RTTN: variants seen among roughly 807,000 people sequenced by gnomAD.
RTTN encodes rotatin.
In RTTN, 182 loss-of-function variants were observed where a neutral mutation model predicts 269.2. That is an observed-to-expected ratio of 0.68 (90% confidence interval 0.60 to 0.76). The LOEUF is 0.76. RTTN is among the 30% of genes least tolerant of loss of function. RTTN has a pLI of 0.00. For synonymous variants in RTTN, 1,006 were observed against 963.5 expected (o/e 1.04, Z -0.82); for missense variants, 2,545 against 2,608.6 (o/e 0.98, Z 0.53).
At chr18:70,176,545 G>T in intron 11 of RTTN, 130 bp downstream of exon 11, 1 of 699,132 alleles carries the variant, frequency 1.4e-6, no homozygotes, top group Non-Finnish European at 2.1e-6. Flanking sequence ...CATATAACCT[G>T]TTACACTTAT....
intron 40 of RTTN, among the ~76,000 whole-genome samples, chr18:70,033,301 T>A (rs1045403965): frequency 6.6e-6 from 1 of 152,234 alleles, no homozygotes; most frequent in Non-Finnish European, 1.5e-5. Context: ...TAAACCTCTT[T>A]TCTTTATAAA....
At chr18:70,166,276 C>CAGTA in intron 13 of RTTN, 88 bp from the exon 14 acceptor site, 3 of 1,268,094 alleles carry the variant, frequency 2.4e-6, no homozygotes, top group Non-Finnish European at 3.4e-6. Context: ...GGATTTCTTC[C>CAGTA]TACTCCAACT....
At chr18:70,010,796 G>A (rs570694038) in intron 46 of RTTN, among the ~76,000 whole-genome samples, 6 of 152,234 alleles carry the variant, frequency 3.9e-5, no homozygotes, top group South Asian at 4.2e-4. Context: ...AATGAATCCC[G>A]GAGCTGGTTT....
intron 23 of RTTN, 119 bp from the exon 24 acceptor site, chr18:70,128,665 C>T: frequency 1.4e-6 from 1 of 693,422 alleles, no homozygotes; most frequent in South Asian, 2.0e-5. Context: ...GCAAAGGTTT[C>T]TCTTAGTCCC....
chr18:70,048,728 GAGAATT>G (rs2057565028), intron 39 of RTTN, among the ~76,000 whole-genome samples: 1 of 152,052 alleles, frequency 6.6e-6, no homozygotes, highest in African/African-American at 2.4e-5. Context: ...AGGGTTTCAT[GAGAATT>G]ATGTTCATTT....
intron 37 of RTTN, among the ~76,000 whole-genome samples, chr18:70,057,016 G>A (rs1885846394): frequency 6.6e-6 from 1 of 152,220 alleles, no homozygotes; most frequent in African/African-American, 2.4e-5. Context: ...GGCATGCTCA[G>A]GTGAAAACAC....
At chr18:70,166,227 G>C (rs759066468) in intron 13 of RTTN, 39 bp from the exon 14 acceptor site, 4 of 1,605,932 alleles carry the variant, frequency 2.5e-6, no homozygotes, top group Non-Finnish European at 3.4e-6. Context: ...TGTGAGGCAA[G>C]TAAGTTAGTA....
chr18:70,119,295 C>A (rs2059677672), intron 26 of RTTN, among the ~76,000 whole-genome samples: 1 of 141,638 alleles, frequency 7.1e-6, no homozygotes, highest in Non-Finnish European at 1.5e-5. Context: ...CGCGCCCCCC[C>A]AAAAAAAAAC....
chr18:70,073,365 C>T (rs12959869), intron 34 of RTTN, among the ~76,000 whole-genome samples: 10,389 of 152,134 alleles, frequency 0.068, 461 homozygotes, highest in Non-Finnish European at 0.097. Flanking sequence ...TCCAGATAAA[C>T]TTCTATGTGA....
chr18:70,203,878 C>T (rs2058134555), intron 3 of RTTN, among the ~76,000 whole-genome samples: 1 of 152,134 alleles, frequency 6.6e-6, no homozygotes, highest in South Asian at 2.1e-4. Context: ...ATCGTTTAGG[C>T]CTGACCCAAA....
At chr18:70,006,587 TAC>T in intron 46 of RTTN, 103 bp from the exon 47 acceptor site, 2 of 843,626 alleles carry the variant, frequency 2.4e-6, no homozygotes, top group Middle Eastern at 2.5e-4. Context: ...TTAGAATGCA[TAC>T]ATAAAGTTGG....
chr18:70,031,206 CAT>C (rs2057003092), intron 40 of RTTN: 1 of 531,744 alleles, frequency 1.9e-6, no homozygotes, highest in African/African-American at 1.9e-5. Flanking sequence ...CTTAAAGACT[CAT>C]CATCTACAGA....
At chr18:70,150,130 T>C in intron 15 of RTTN, 43 bp from the exon 16 acceptor site, 2 of 1,215,882 alleles carry the variant, frequency 1.6e-6, no homozygotes, top group Non-Finnish European at 2.4e-6. Context: ...AAATGAGATG[T>C]CCCGCTAGGT....
In RTTN at chr18:70,075,370, C is replaced by A; in HGVS notation, c.4546G>T (p.Glu1516Ter). 2 of 1,581,428 alleles carry A rather than the reference C, an allele frequency of 1.3e-6. No individual in the cohort carries two copies. Among genetic ancestry groups the A allele is most frequent in the Non-Finnish European group, 1.7e-6 (2 of 1,166,642 alleles). The change falls in exon 33 of 49, where the codon GAA (glutamate) becomes TAA (stop). Residue 1516 changes from glutamate to a stop codon, truncating the protein, a stop_gained. Coordinates refer to ENST00000640769, the MANE Select transcript of RTTN (RefSeq NM_173630.4). LOFTEE classifies it high-confidence loss of function. ...LNFSAFDRNS[E>*]SNDLNGLDDS... Reference sequence around the variant, plus strand: ...TACTTACCATTTAAATCATTGCTTTCTGAATTTCTATCAAAAGCAGAAAAA... The same window carrying A: ...TACTTACCATTTAAATCATTGCTTTATGAATTTCTATCAAAAGCAGAAAAA...
At chr18:70,103,392 C>T (rs955069436) in intron 28 of RTTN, among the ~76,000 whole-genome samples, 1 of 152,098 alleles carries the variant, frequency 6.6e-6, no homozygotes, top group Non-Finnish European at 1.5e-5. Context: ...ACATAGCAGA[C>T]TCCATTTTGT....
Position 70,020,707 on chromosome 18 carries a change from T to C in RTTN, c.6061A>G (p.Met2021Val). ...MLCILKLASQ[M>V]PLENTTVQQM... ...TGAACCGTGGTGTTCTCCAGTGGCA[T>C]CTGGGAAGCCAACTTTAGGATACAC... The change falls in exon 45 of 49, where the codon ATG becomes GTG. Residue 2021 changes from methionine to valine, a missense_variant. Physicochemically the swap from Met to Val is conservative, Grantham distance 21 (BLOSUM62 1). Transcript: ENST00000640769. The C allele has an allele frequency of 6.2e-7, 1 of 1,614,110 alleles. No individual in the cohort carries two copies. Among genetic ancestry groups the C allele is most frequent in the Non-Finnish European group, 8.5e-7 (1 of 1,179,954 alleles).
At chr18:70,149,071 C>G in intron 16 of RTTN, 34 bp from the exon 17 acceptor site, 2 of 1,588,792 alleles carry the variant, frequency 1.3e-6, no homozygotes, top group Non-Finnish European at 1.7e-6. Context: ...AAATTATTGT[C>G]TAATTGTATA....
Position 70,011,509 on chromosome 18 carries a change from T to C in RTTN, c.6422-5025A>G, listed in dbSNP as rs147520433. On this transcript the variant is annotated intron_variant, in intron 46 of 48. Transcript: ENST00000640769. The stretch of plus-strand genomic sequence containing the variant: ...AAAACCACATGATTATCTCAACAGA[T>C]GCAGAAAGGCCTTCAAAAAAATTCA... 2.1e-3 allele frequency among the ~76,000 whole-genome samples: 320 copies of C among 152,304 alleles called. 2 individuals are homozygous for C. Among genetic ancestry groups the C allele is most frequent in the African/African-American group, 7.4e-3 (309 of 41,560 alleles).
chr18:70,199,329 T>C, intron 5 of RTTN, 85 bp downstream of exon 5: 5 of 872,084 alleles, frequency 5.7e-6, no homozygotes, highest in Non-Finnish European at 9.0e-6. Context: ...CTAGTATCTT[T>C]TCCTGGTAAA....
Sources: allele counts gnomAD v4.1 joint callset (sites outside exome capture counted in the v4.1 genomes callset), GRCh38; gene constraint gnomAD v4.1.1; transcripts MANE v1.5; gene names NCBI Gene and HGNC (gene_info 2026-07-23, HGNC 2026-07-21).